Variants in PDE9A observed in about 807,000 individuals in gnomAD.
The protein encoded by PDE9A is phosphodiesterase 9A.
A neutral mutation model predicts 87.4 loss-of-function variants in PDE9A; 60 were observed. The ratio of observed to expected loss-of-function variants is 0.69; its 90% CI spans 0.56 to 0.85. The LOEUF (loss-of-function observed/expected upper bound fraction) is 0.85, where lower values mean the gene tolerates loss of function less well. PDE9A is among the 40% of genes least tolerant of loss of function. PDE9A has a pLI of 0.00. For missense variants in PDE9A, 665 were observed against 779.0 expected (o/e 0.85, Z 1.74); for synonymous variants, 272 against 279.4 (o/e 0.97, Z 0.27).
chr21:42,740,771 A>AGATAGAT (rs777989508), intron 7 of PDE9A, among the ~76,000 whole-genome samples: 1 of 151,270 alleles, frequency 6.6e-6, no homozygotes, highest in African/African-American at 2.4e-5. Context: ...ATAGATAGAT[A>AGATAGAT]GATAGATAGA....
rs117467240 is a variant in PDE9A, at chr21:42,665,645, C to T, written c.69+11762C>T. The stretch of plus-strand genomic sequence containing the variant: ...CTGGCCGGCCCTTGCTGAATGTCCC[C>T]GCTCCTAGGAAGCCGGATGTGTCGC... On this transcript the variant is annotated intron_variant, in intron 1 of 19. Coordinates refer to ENST00000291539, the MANE Select transcript of PDE9A (RefSeq NM_002606.3). Among the ~76,000 whole-genome samples the T allele has an allele frequency of 3.3e-3, 498 of 152,312 alleles. 1 individual carries two copies. The highest frequency in any genetic ancestry group is 5.1e-3 in the Non-Finnish European group (347 of 68,020).
intron 4 of PDE9A, among the ~76,000 whole-genome samples, chr21:42,718,848 A>G (rs1158406922): frequency 6.6e-6 from 1 of 151,742 alleles, no homozygotes; most frequent in Non-Finnish European, 1.5e-5. Context: ...TTGTAGACTA[A>G]GATTATGAAT....
chr21:42,741,650 A>G (rs2146871321), intron 7 of PDE9A: 1 of 152,332 alleles, frequency 6.6e-6, no homozygotes, highest in Non-Finnish European at 1.5e-5. Context: ...TTCTGGCAGA[A>G]AGAAGCAGTG....
chr21:42,677,884 C>T (rs957862339), intron 1 of PDE9A, among the ~76,000 whole-genome samples: 2 of 152,096 alleles, frequency 1.3e-5, no homozygotes, highest in African/African-American at 4.8e-5. Flanking sequence ...CTTGGGTGAT[C>T]CACCCACCTC....
chr21:42,678,830 C>A (rs1443791347), intron 1 of PDE9A, among the ~76,000 whole-genome samples: 1 of 152,202 alleles, frequency 6.6e-6, no homozygotes, highest in East Asian at 1.9e-4. Flanking sequence ...AGCATGACAG[C>A]AGGTACCACA....
chr21:42,740,939 AT>A (rs773816088), intron 7 of PDE9A, among the ~76,000 whole-genome samples: 1 of 152,154 alleles, frequency 6.6e-6, no homozygotes. Flanking sequence ...TTGAAGTGCT[AT>A]TTCCTACACT....
intron 1 of PDE9A, among the ~76,000 whole-genome samples, chr21:42,684,283 T>C (rs200399557): frequency 6.6e-6 from 1 of 152,206 alleles, no homozygotes; most frequent in South Asian, 2.1e-4. Flanking sequence ...CTCTGCAGAC[T>C]GGGGTTCTGT....
At chr21:42,757,371 C>T (rs551821740) in intron 10 of PDE9A, 25 of 152,372 alleles carry the variant, frequency 1.6e-4, no homozygotes, top group African/African-American at 4.8e-4. Flanking sequence ...CCTTCAGAGC[C>T]ATCTCATCAA....
In PDE9A at chr21:42,653,736, G is replaced by A; in HGVS notation, c.-79G>A. On this transcript the variant is annotated 5_prime_UTR_variant, in exon 1 of 20. Coordinates refer to ENST00000291539, the MANE Select transcript of PDE9A (RefSeq NM_002606.3). ...CCGCCCCCCGCCCGCCCCCTCCCCTGCTCCCCTCCCCCGCCTCCCGCGGCG... is the reference window on the plus strand; with the variant it reads ...CCGCCCCCCGCCCGCCCCCTCCCCTACTCCCCTCCCCCGCCTCCCGCGGCG... 2 of 369,778 alleles carry A rather than the reference G, an allele frequency of 5.4e-6. No individual in the cohort carries two copies. The highest frequency in any genetic ancestry group is 4.8e-6 in the Non-Finnish European group (1 of 208,706). The allele number at this position is 369,778 out of a possible 1,614,324, so 22.9% of individuals were successfully genotyped here.
chr21:42,752,178 A>G (rs1038393973), intron 9 of PDE9A, among the ~76,000 whole-genome samples: 7 of 152,176 alleles, frequency 4.6e-5, no homozygotes, highest in African/African-American at 1.7e-4. Context: ...CACAGCCTCC[A>G]TGTAGGCCAC....
In PDE9A at chr21:42,768,945, C is replaced by T. The variant is rs1413735758; in HGVS notation, c.1462-82C>T. 7.9e-6 allele frequency: 12 copies of T among 1,519,396 alleles called. No homozygotes were observed. The Admixed American group carries it at 1.2e-4, about 15-fold the overall frequency. The allele number at this position is 1,519,396 out of a possible 1,614,324, so 94.1% of individuals were successfully genotyped here. A position where few individuals can be genotyped will look rare whatever the true frequency, so the allele number is the denominator to read the frequency against. On this transcript the variant is annotated intron_variant, in intron 16 of 19. Coordinates refer to ENST00000291539, the MANE Select transcript of PDE9A (RefSeq NM_002606.3). ...TTGGTTGGTTGGTGGTTAACTGGCG[C>T]ATCTTGTCTTTCTCTGAGAACAGCG...
At chr21:42,730,858 G>T (rs2051658337) in intron 4 of PDE9A, among the ~76,000 whole-genome samples, 1 of 152,184 alleles carries the variant, frequency 6.6e-6, no homozygotes, top group African/African-American at 2.4e-5. Flanking sequence ...TCCTAGAAAT[G>T]GGACCCTGGG....
At chr21:42,667,319 C>T (rs1187880937) in intron 1 of PDE9A, among the ~76,000 whole-genome samples, 2 of 152,148 alleles carry the variant, frequency 1.3e-5, no homozygotes, top group Non-Finnish European at 2.9e-5. Context: ...GGGAGACATA[C>T]CCCAGCAAGT....
Position 42,653,875 on chromosome 21 carries a change from A to C in PDE9A, c.61A>C (p.Ile21Leu). The C allele has an allele frequency of 6.4e-7, 1 of 1,555,052 alleles. No individual in the cohort carries two copies. Among genetic ancestry groups the C allele is most frequent in the Non-Finnish European group, 8.7e-7 (1 of 1,148,368 alleles). Residue 21 changes from isoleucine (I) to leucine (L), a missense_variant, in exon 1 of 20, where the codon ATT becomes CTT. By Grantham distance (5) the Ile-to-Leu change is conservative. Coordinates refer to ENST00000291539, the MANE Select transcript of PDE9A (RefSeq NM_002606.3). ...KAIYLDIDGR[I>L]QKVIFSKYCN... is the part of the protein sequence containing the mutation. ...CATCTACCTGGACATCGATGGACGC[A>C]TTCAGAAGGTAGCCCCTCCCCCACC...
chr21:42,768,280 A>G lies in PDE9A; in HGVS notation c.1449A>G (p.Glu483=), dbSNP rs2056596692. The change falls in exon 16 of 20, where the codon GAA becomes GAG. Residue 483 remains glutamate (E), a synonymous_variant. Coordinates refer to ENST00000291539, the MANE Select transcript of PDE9A (RefSeq NM_002606.3). ...AEPWVDCLLE[E]YFMQSDREKS... The stretch of plus-strand genomic sequence containing the variant: ...CTTGGGTGGACTGTTTATTAGAGGA[A>G]TATTTTATGCAGGTAAGAGTCTTGC... The G allele has an allele frequency of 6.3e-7, 1 of 1,585,130 alleles. No individual in the cohort carries two copies. Among genetic ancestry groups the G allele is most frequent in the Non-Finnish European group, 8.7e-7 (1 of 1,153,542 alleles).
At chr21:42,761,975 C>A (rs2055827768) in intron 13 of PDE9A, 108 bp from the exon 14 acceptor site, 2 of 1,163,926 alleles carry the variant, frequency 1.7e-6, no homozygotes, top group Non-Finnish European at 2.4e-6. Context: ...CCCCACGGCA[C>A]CTTCTCCTGA....
intron 8 of PDE9A, among the ~76,000 whole-genome samples, chr21:42,749,491 G>A (rs1399862573): frequency 6.6e-6 from 1 of 152,198 alleles, no homozygotes; most frequent in Admixed American, 6.5e-5. Flanking sequence ...TTCAGCCTCT[G>A]GGGACCACCC....
At position 42,723,830 on chromosome 21, in the gene PDE9A, T is replaced by A. The variant is rs2050765928; in HGVS notation, c.263-7940T>A. 6.6e-6 allele frequency among the ~76,000 whole-genome samples: 1 copy of A among 152,226 alleles called. No individual in the cohort carries two copies. The highest frequency in any genetic ancestry group is 1.5e-5 in the Non-Finnish European group (1 of 68,036). On this transcript the variant is annotated intron_variant, in intron 4 of 19. Transcript: ENST00000291539. This position sits in a 1 kb window ranked among gnomAD's most constrained non-coding sequence, Gnocchi z 4.3. The stretch of plus-strand genomic sequence containing the variant: ...CCCTAAAGACCCTGTCATGTCCCCC[T>A]GTGAATTACCAGCATCCCAGGCCAT...
At chr21:42,667,743 C>T (rs184879016) in intron 1 of PDE9A, among the ~76,000 whole-genome samples, 2 of 152,200 alleles carry the variant, frequency 1.3e-5, no homozygotes, top group South Asian at 2.1e-4. Flanking sequence ...CCACCACTTC[C>T]CTAGAAACCC....
Sources: gnomAD v4.1 joint callset for allele counts (sites outside exome capture counted in the v4.1 genomes callset) on GRCh38, gnomAD v4.1.1 for gene constraint, Gnocchi (gnomAD v3.1) non-coding constraint, MANE v1.5 for transcripts, NCBI Gene and HGNC (gene_info 2026-07-23, HGNC 2026-07-21) for gene names.